BHMT2: variants seen among roughly 807,000 people sequenced by gnomAD.
BHMT2 encodes betaine--homocysteine S-methyltransferase 2, also known as S-methylmethionine--homocysteine S-methyltransferase BHMT2.
Under a neutral mutation model 39.0 loss-of-function variants are expected in BHMT2, and 28 were observed. The observed-to-expected ratio is 0.72, with a 90% CI of 0.53 to 0.98. The LOEUF (loss-of-function observed/expected upper bound fraction) is 0.98. BHMT2 is among the 50% of genes least tolerant of loss of function. The pLI is 0.00. For synonymous variants in BHMT2, 145 were observed against 160.6 expected (o/e 0.90, Z 0.74); for missense variants, 410 against 455.6 (o/e 0.90, Z 0.91).
intron 1 of BHMT2, among the ~76,000 whole-genome samples, chr5:79,072,578 G>C (rs1755601949): frequency 6.6e-6 from 1 of 152,192 alleles, no homozygotes; most frequent in Non-Finnish European, 1.5e-5. Flanking sequence ...TAGGGATATA[G>C]ACCAATAAGA....
chr5:79,071,255 C>T (rs1405476830), intron 1 of BHMT2: 1 of 152,156 alleles, frequency 6.6e-6, no homozygotes, highest in Non-Finnish European at 1.5e-5. Flanking sequence ...CAGACAAGAC[C>T]TCCAATTAGG....
intron 7 of BHMT2, among the ~76,000 whole-genome samples, chr5:79,085,164 C>G (rs1406185406): frequency 3.3e-5 from 5 of 152,164 alleles, no homozygotes; most frequent in Non-Finnish European, 7.3e-5. Context: ...ATAACATTTA[C>G]AATATTATTA....
Position 79,082,960 on chromosome 5 carries a change from A to G in BHMT2, c.598+4A>G, listed in dbSNP as rs776816429. On this transcript the variant is annotated splice_donor_region_variant and intron_variant, in intron 5 of 7. Transcript: ENST00000255192. Reference sequence around the variant, plus strand: ...GCTGTGAGGCTGGTGAAGGCAGGTAATTTGGACCCATACCGTGATACACAG... The same window carrying G: ...GCTGTGAGGCTGGTGAAGGCAGGTAGTTTGGACCCATACCGTGATACACAG... 5 of 1,614,094 alleles carry G rather than the reference A, an allele frequency of 3.1e-6. 1 individual carries two copies. The Admixed American group carries it at 8.3e-5, about 27-fold the overall frequency.
intron 1 of BHMT2, among the ~76,000 whole-genome samples, chr5:79,075,795 C>G (rs879293439): frequency 6.6e-6 from 1 of 152,216 alleles, no homozygotes; most frequent in Non-Finnish European, 1.5e-5. Context: ...TTCCCTTATG[C>G]CCCTTGCAGG....
intron 1 of BHMT2, among the ~76,000 whole-genome samples, chr5:79,070,330 G>A (rs1028968021): frequency 9.9e-5 from 15 of 152,154 alleles, no homozygotes; most frequent in African/African-American, 3.6e-4. Context: ...CTAGTCCTGG[G>A]CAAGGACGCC....
intron 1 of BHMT2, among the ~76,000 whole-genome samples, 157 bp from the exon 2 acceptor site, chr5:79,077,323 G>A (rs765261529): frequency 6.6e-6 from 1 of 151,946 alleles, no homozygotes; most frequent in East Asian, 1.9e-4. Context: ...CAAGAAATAT[G>A]GTATGCTCAA....
chr5:79,079,625 G>T (rs1755745355), intron 3 of BHMT2, among the ~76,000 whole-genome samples, 165 bp downstream of exon 3: 1 of 152,220 alleles, frequency 6.6e-6, no homozygotes, highest in Non-Finnish European at 1.5e-5. Context: ...GTCGGGCACA[G>T]TGGCTTACAC....
intron 7 of BHMT2, among the ~76,000 whole-genome samples, chr5:79,086,169 C>G (rs1403078675): frequency 1.3e-5 from 2 of 152,192 alleles, no homozygotes; most frequent in Non-Finnish European, 2.9e-5. Context: ...CTGTTGTCCT[C>G]CCCGGTAATT....
chr5:79,078,791 AC>A (rs1489450045), intron 2 of BHMT2, among the ~76,000 whole-genome samples: 1 of 152,216 alleles, frequency 6.6e-6, no homozygotes, highest in South Asian at 2.1e-4. Flanking sequence ...ATGTTAAAAG[AC>A]CTTTTTGCTA....
At chr5:79,086,014 A>G (rs1755886465) in intron 7 of BHMT2, among the ~76,000 whole-genome samples, 1 of 152,100 alleles carries the variant, frequency 6.6e-6, no homozygotes, top group Non-Finnish European at 1.5e-5. Context: ...GATCTTTGTG[A>G]GCACGCTCAT....
At chr5:79,087,014 G>GTGTATA (rs1329456863) in intron 7 of BHMT2, among the ~76,000 whole-genome samples, 78 of 118,310 alleles carry the variant, frequency 6.6e-4, no homozygotes, top group African/African-American at 2.1e-3. Flanking sequence ...GTGTGTGTGT[G>GTGTATA]TATATATATA....
At position 79,083,246 on chromosome 5, in the gene BHMT2, C is replaced by A. The variant is rs60797063; in HGVS notation, c.653C>A (p.Thr218Lys). Reference sequence around the variant, plus strand: ...TTTGGGCCCGACACCAGCTTGAAGACGATGGAGCTCATGAAGGAGGGTCTT... The same window carrying A: ...TTTGGGCCCGACACCAGCTTGAAGAAGATGGAGCTCATGAAGGAGGGTCTT... Reference protein sequence around the residue: ...CRFGPDTSLKTMELMKEGLEW... With the variant: ...CRFGPDTSLKKMELMKEGLEW... Residue 218 changes from threonine (T) to lysine (K), a missense_variant, in exon 6 of 8, where the codon ACG (threonine) becomes AAG (lysine). Physicochemically the swap from Thr to Lys is moderately conservative, Grantham distance 78. Coordinates refer to ENST00000255192, the MANE Select transcript of BHMT2 (RefSeq NM_017614.5). 1 of 1,614,142 alleles carries A rather than the reference C, an allele frequency of 6.2e-7. No individual in the cohort carries two copies. The highest frequency in any genetic ancestry group is 8.5e-7 in the Non-Finnish European group (1 of 1,180,028).
At position 79,088,628 on chromosome 5, in the gene BHMT2, G is replaced by A. The variant is rs1580257003; in HGVS notation, c.*54G>A. On this transcript the variant is annotated 3_prime_UTR_variant, in exon 8 of 8. Coordinates refer to ENST00000255192, the MANE Select transcript of BHMT2 (RefSeq NM_017614.5). ...TCGAACAGGAAAAAGTTGCCCTCAA[G>A]CCTGACCTGGAACCGTTCCTCACCT... The A allele has an allele frequency of 1.3e-5, 19 of 1,479,912 alleles. No homozygotes were observed. Among genetic ancestry groups the A allele is most frequent in the Middle Eastern group, 3.5e-4 (2 of 5,772 alleles). The allele number at this position is 1,479,912 out of a possible 1,614,324, so 91.7% of individuals were successfully genotyped here.
At chr5:79,076,687 A>C in intron 1 of BHMT2, among the ~76,000 whole-genome samples, 1 of 42,612 alleles carries the variant, frequency 2.3e-5, no homozygotes, top group East Asian at 1.4e-3. Flanking sequence ...TGAGAATAAA[A>C]ACTGTGTCCT....
At chr5:79,078,854 C>T (rs948645886) in intron 2 of BHMT2, among the ~76,000 whole-genome samples, 1 of 152,050 alleles carries the variant, frequency 6.6e-6, no homozygotes, top group African/African-American at 2.4e-5. Flanking sequence ...GGAGGAGGGG[C>T]GAAAGTGGTG....
At position 79,083,874 on chromosome 5, in the gene BHMT2, A is replaced by T; in HGVS notation, c.1010+18A>T. 6.3e-7 allele frequency: 1 copy of T among 1,594,574 alleles called. No individual in the cohort carries two copies. The highest frequency in any genetic ancestry group is 8.5e-7 in the Non-Finnish European group (1 of 1,169,764). On this transcript the variant is annotated intron_variant, in intron 7 of 7. Coordinates refer to ENST00000255192, the MANE Select transcript of BHMT2 (RefSeq NM_017614.5). ...AGAGCAAGGTAAGCATTTTTAAATT[A>T]ACATTCTTATTATTTTCCTTTAATC...
At chr5:79,073,350 T>A (rs1257959195) in intron 1 of BHMT2, among the ~76,000 whole-genome samples, 1 of 152,236 alleles carries the variant, frequency 6.6e-6, no homozygotes, top group Non-Finnish European at 1.5e-5. Context: ...TACCTCTGAC[T>A]TTCTCTTCTG....
intron 1 of BHMT2, among the ~76,000 whole-genome samples, chr5:79,072,828 G>A (rs1198212190): frequency 2.6e-5 from 4 of 152,224 alleles, no homozygotes; most frequent in Non-Finnish European, 5.9e-5. Flanking sequence ...AGTGAGGATG[G>A]TGGGGCATTT....
intron 2 of BHMT2, among the ~76,000 whole-genome samples, chr5:79,079,082 C>A (rs1755732356): frequency 6.6e-6 from 1 of 152,202 alleles, no homozygotes; most frequent in Admixed American, 6.5e-5. Flanking sequence ...CCTCTCTAGA[C>A]CAAGAGACCA....
Sources: allele counts gnomAD v4.1 joint callset (sites outside exome capture counted in the v4.1 genomes callset), GRCh38; gene constraint gnomAD v4.1.1; transcripts MANE v1.5; gene names NCBI Gene and HGNC (gene_info 2026-07-23, HGNC 2026-07-21).